The following SPIDR variants were observed in gnomAD, a reference collection of about 807,000 sequenced individuals.
The protein encoded by SPIDR is DNA repair-scaffolding protein.
Under a neutral mutation model 104.6 loss-of-function variants are expected in SPIDR, and 93 were observed. The observed-to-expected ratio is 0.89, with a 90% confidence interval of 0.75 to 1.06. The LOEUF (loss-of-function observed/expected upper bound fraction) is 1.06, where lower values mean the gene tolerates loss of function less well. Ranked by LOEUF, SPIDR falls within the 50% of genes least tolerant of loss-of-function variation. The pLI is 0.00. For missense variants in SPIDR, 1,154 were observed against 1,111.2 expected (o/e 1.04, Z -0.55); for synonymous variants, 431 against 416.9 (o/e 1.03, Z -0.41).
At chr8:47,678,650 A>G (rs575751532) in intron 11 of SPIDR, among the ~76,000 whole-genome samples, 61 of 152,140 alleles carry the variant, frequency 4.0e-4, no homozygotes, top group Non-Finnish European at 5.7e-4. Flanking sequence ...AGAACAGGAA[A>G]GGCATGGGCT....
At chr8:47,589,530 A>C (rs1231958473) in intron 8 of SPIDR, among the ~76,000 whole-genome samples, 3 of 139,198 alleles carry the variant, frequency 2.2e-5, no homozygotes, top group Non-Finnish European at 4.6e-5. Flanking sequence ...ATCTCAAAAC[A>C]AAAAAAAAAA....
intron 5 of SPIDR, among the ~76,000 whole-genome samples, chr8:47,344,096 C>A (rs1255397842): frequency 6.6e-6 from 1 of 151,732 alleles, no homozygotes; most frequent in Non-Finnish European, 1.5e-5. Flanking sequence ...TTAGGTATTT[C>A]TCCGAATGCT....
rs1411722544 is a variant in SPIDR, at chr8:47,712,769, G to A, written c.2085G>A (p.Leu695=). The A allele has an allele frequency of 6.2e-7, 1 of 1,614,058 alleles. No homozygotes were observed. The highest frequency in any genetic ancestry group is 8.5e-7 in the Non-Finnish European group (1 of 1,180,040). Reference sequence around the variant, plus strand: ...ACCCCAGGCTCCCCAAAACCCTGCTGGTCTATGTGGCCCCCTTGTGTGTGC... The same window carrying A: ...ACCCCAGGCTCCCCAAAACCCTGCTAGTCTATGTGGCCCCCTTGTGTGTGC... ...ERDPRLPKTL[L]VYVAPLCVLG... The change falls in exon 15 of 20, where the codon CTG becomes CTA. Residue 695 remains leucine (L), a synonymous_variant. Coordinates refer to ENST00000297423, the MANE Select transcript of SPIDR (RefSeq NM_001080394.4).
chr8:47,429,709 C>T (rs904226885), intron 7 of SPIDR, among the ~76,000 whole-genome samples: 56 of 151,016 alleles, frequency 3.7e-4, no homozygotes, highest in African/African-American at 1.3e-3. Context: ...ACTTCATCTG[C>T]GCTGCAGTTT....
chr8:47,500,110 C>T (rs1304963886), intron 8 of SPIDR, among the ~76,000 whole-genome samples: 1 of 152,170 alleles, frequency 6.6e-6, no homozygotes, highest in Non-Finnish European at 1.5e-5. Flanking sequence ...CATACATATG[C>T]ATGTGTCTTT....
intron 8 of SPIDR, among the ~76,000 whole-genome samples, chr8:47,469,727 G>A (rs1488267205): frequency 6.6e-6 from 1 of 152,088 alleles, no homozygotes; most frequent in African/African-American, 2.4e-5. Context: ...CTGGAGGGTG[G>A]GCGGAAGGAG....
At chr8:47,588,794 TATGTC>T (rs2060612948) in intron 8 of SPIDR, among the ~76,000 whole-genome samples, 1 of 152,186 alleles carries the variant, frequency 6.6e-6, no homozygotes, top group Non-Finnish European at 1.5e-5. Context: ...GACGTTGAAT[TATGTC>T]AAGTGGTTTT....
chr8:47,386,258 A>G (rs1171950396), intron 5 of SPIDR, among the ~76,000 whole-genome samples: 5 of 152,108 alleles, frequency 3.3e-5, no homozygotes, highest in Non-Finnish European at 7.4e-5. Context: ...GTTCTACAGT[A>G]TGATTTATTA....
chr8:47,358,254 T>C (rs965921888), intron 5 of SPIDR, among the ~76,000 whole-genome samples: 3 of 151,952 alleles, frequency 2.0e-5, no homozygotes, highest in Admixed American at 1.3e-4. Context: ...GTAGCTAATT[T>C]TTATAAAAAG....
chr8:47,727,121 T>A (rs2084366940), intron 16 of SPIDR, 79 bp from the exon 17 acceptor site: 1 of 1,233,318 alleles, frequency 8.1e-7, no homozygotes, highest in African/African-American at 1.5e-5. Context: ...CCTCATGTTG[T>A]CCTCTGCACG....
chr8:47,523,063 C>G (rs191921857), intron 8 of SPIDR, among the ~76,000 whole-genome samples: 1 of 152,000 alleles, frequency 6.6e-6, no homozygotes, highest in African/African-American at 2.4e-5. Flanking sequence ...TACAGTGTCA[C>G]AATCTCAGCT....
intron 8 of SPIDR, among the ~76,000 whole-genome samples, chr8:47,532,229 C>T (rs2086147761): frequency 6.6e-6 from 1 of 152,120 alleles, no homozygotes; most frequent in African/African-American, 2.4e-5. Context: ...ACCACCATGC[C>T]TGGCTAATTT....
chr8:47,626,159 T>G (rs1014545264), intron 10 of SPIDR, among the ~76,000 whole-genome samples: 5 of 152,150 alleles, frequency 3.3e-5, no homozygotes, highest in African/African-American at 7.2e-5. Flanking sequence ...ATTTAATAAA[T>G]GGTGCTGGGA....
chr8:47,716,581 G>C (rs2082619197), intron 16 of SPIDR, among the ~76,000 whole-genome samples: 1 of 152,182 alleles, frequency 6.6e-6, no homozygotes, highest in Non-Finnish European at 1.5e-5. Context: ...ATGAGATAAT[G>C]CTCAGGAGGC....
chr8:47,346,773 G>A (rs1008421270), intron 5 of SPIDR, among the ~76,000 whole-genome samples: 2 of 152,100 alleles, frequency 1.3e-5, no homozygotes, highest in African/African-American at 2.4e-5. Flanking sequence ...ATTCTCTGAT[G>A]GTAGTTTGTA....
chr8:47,330,016 T>C (rs1396059021), intron 5 of SPIDR, among the ~76,000 whole-genome samples: 7 of 152,238 alleles, frequency 4.6e-5, no homozygotes, highest in African/African-American at 7.2e-5. Context: ...ATAATTACTT[T>C]TACTGACACC....
chr8:47,463,732 A>G (rs1554715215), intron 8 of SPIDR, among the ~76,000 whole-genome samples: 2 of 152,250 alleles, frequency 1.3e-5, no homozygotes, highest in African/African-American at 4.8e-5. Flanking sequence ...TTCATGTAAT[A>G]TACCACATTA....
At chr8:47,297,338 G>T in intron 5 of SPIDR, among the ~76,000 whole-genome samples, 1 of 152,008 alleles carries the variant, frequency 6.6e-6, no homozygotes, top group South Asian at 2.1e-4. Flanking sequence ...GGCAGCTGTG[G>T]GCTTGTTACA....
chr8:47,529,105 A>G (rs1240365790), intron 8 of SPIDR, among the ~76,000 whole-genome samples: 1 of 152,206 alleles, frequency 6.6e-6, no homozygotes, highest in Non-Finnish European at 1.5e-5. Flanking sequence ...CTTGCAAACA[A>G]AAAGATGTAG....
Sources: allele counts gnomAD v4.1 joint callset (sites outside exome capture counted in the v4.1 genomes callset), GRCh38; gene constraint gnomAD v4.1.1; transcripts MANE v1.5; gene names NCBI Gene and HGNC (gene_info 2026-07-23, HGNC 2026-07-21).